Variants in LRP5 observed in about 807,000 individuals in gnomAD.
The protein encoded by LRP5 is LDL receptor related protein 5.
Under a neutral mutation model 154.1 loss-of-function variants are expected in LRP5, and 62 were observed. That is an observed-to-expected ratio of 0.40 (90% CI 0.33 to 0.50). The LOEUF (loss-of-function observed/expected upper bound fraction) is 0.50. Among genes scored for constraint, LRP5 ranks in the 20% least tolerant of loss-of-function variants. The pLI, the probability that LRP5 is intolerant of heterozygous loss-of-function variation, is 0.55. For missense variants in LRP5, 1,915 were observed against 2,336.7 expected (o/e 0.82, Z 3.72); for synonymous variants, 966 against 1,011.5 (o/e 0.96, Z 0.85).
In LRP5 at chr11:68,381,351, C is replaced by T. The variant is rs534132782; in HGVS notation, c.1016-4965C>T. ...TCACGGGAGCCCTCTGCAGGTTCTG[C>T]GTGTCCATGTGGTCGGGGACAGAGG... On this transcript the variant is annotated intron_variant, in intron 5 of 22. Transcript: ENST00000294304. Among the ~76,000 whole-genome samples, 5 of 152,238 alleles carry T rather than the reference C, an allele frequency of 3.3e-5. No individual in the cohort carries two copies. In the South Asian group the frequency reaches 8.3e-4, roughly 25 times the overall value.
At chr11:68,421,206 A>G (rs1425886093) in intron 13 of LRP5, among the ~76,000 whole-genome samples, 4 of 152,188 alleles carry the variant, frequency 2.6e-5, no homozygotes, top group African/African-American at 4.8e-5. Flanking sequence ...GAGCCTGGGC[A>G]ACAGAGCAAG....
intron 7 of LRP5, among the ~76,000 whole-genome samples, chr11:68,400,317 G>A (rs967712904): frequency 1.1e-4 from 17 of 152,304 alleles, no homozygotes; most frequent in African/African-American, 3.8e-4. Flanking sequence ...TGAAGCCAGG[G>A]AAATGGACTT....
At chr11:68,305,640 A>C in the LRP5 span, among the ~76,000 whole-genome samples, 1 of 152,108 alleles carries the variant, frequency 6.6e-6, no homozygotes, top group Admixed American at 6.5e-5. Flanking sequence ...ATGGGGTTTC[A>C]CCATGTTGTC....
intron 5 of LRP5, among the ~76,000 whole-genome samples, chr11:68,383,764 G>A (rs185896957): frequency 1.3e-5 from 2 of 152,332 alleles, no homozygotes; most frequent in Non-Finnish European, 1.5e-5. Flanking sequence ...GCCATCCACT[G>A]GGGTGTGGGG....
chr11:68,346,303 C>G (rs547292531), intron 1 of LRP5, among the ~76,000 whole-genome samples: 2 of 152,348 alleles, frequency 1.3e-5, no homozygotes, highest in Non-Finnish European at 1.5e-5. Context: ...GGAGGCGCCG[C>G]TGTCATTTTC....
chr11:68,335,483 G>A (rs2098605185), intron 1 of LRP5, among the ~76,000 whole-genome samples: 1 of 152,010 alleles, frequency 6.6e-6, no homozygotes, highest in South Asian at 2.1e-4. Context: ...GATCACTTGA[G>A]CCCAGGAGGT....
chr11:68,359,774 T>G (rs2098626122), intron 3 of LRP5, among the ~76,000 whole-genome samples: 1 of 151,554 alleles, frequency 6.6e-6, no homozygotes, highest in South Asian at 2.1e-4. Context: ...TGACCTCTTT[T>G]TTTGTTTGTT....
At chr11:68,337,030 T>C (rs2098606085) in intron 1 of LRP5, among the ~76,000 whole-genome samples, 1 of 152,176 alleles carries the variant, frequency 6.6e-6, no homozygotes, top group Non-Finnish European at 1.5e-5. Context: ...GTAAAAACTG[T>C]AAATAAAATG....
At chr11:68,427,112 T>C (rs2098669209) in intron 16 of LRP5, among the ~76,000 whole-genome samples, 1 of 152,214 alleles carries the variant, frequency 6.6e-6, no homozygotes, top group Non-Finnish European at 1.5e-5. Flanking sequence ...TCCCCTTTGA[T>C]AGACTCCAAG....
intron 1 of LRP5, among the ~76,000 whole-genome samples, chr11:68,341,056 G>GTTTTTTTTTTTTTTTTTT (rs1466472469): frequency 1.9e-5 from 1 of 51,456 alleles, no homozygotes; most frequent in Non-Finnish European, 4.0e-5. Flanking sequence ...GCTGGAGATT[G>GTTTTTTTTTTTTTTTTTT]TTCTTTTTTT....
intron 7 of LRP5, among the ~76,000 whole-genome samples, chr11:68,400,524 C>T (rs1026162943): frequency 8.6e-5 from 13 of 151,840 alleles, no homozygotes; most frequent in East Asian, 3.9e-4. Context: ...AGTTTGTGAC[C>T]GGCCTGACCA....
At chr11:68,443,581 A>ATT (rs1393479461) in intron 21 of LRP5, among the ~76,000 whole-genome samples, 12 of 36,806 alleles carry the variant, frequency 3.3e-4, no homozygotes, top group East Asian at 8.3e-4. Context: ...ATATATATAT[A>ATT]TATATTTTTT....
chr11:68,317,171 G>A (rs549308235), intron 1 of LRP5, among the ~76,000 whole-genome samples: 1 of 152,346 alleles, frequency 6.6e-6, no homozygotes, highest in African/African-American at 2.4e-5. Context: ...GGCTGGCTCC[G>A]GCTGCTCTCT....
Position 68,396,108 on chromosome 11 carries a change from G to C in LRP5, c.1584+6056G>C, listed in dbSNP as rs534940284. Among the ~76,000 whole-genome samples, 27 of 152,202 alleles carry C rather than the reference G, an allele frequency of 1.8e-4. No homozygotes were observed. The East Asian group carries it at 5.2e-3, about 29-fold the overall frequency. On this transcript the variant is annotated intron_variant, in intron 7 of 22. Transcript: ENST00000294304. ...GACAGTGGCTGCTGCTGGGGTTGTG[G>C]TGGCTTCTGGGGACTCTGGGGACAG...
intron 1 of LRP5, among the ~76,000 whole-genome samples, chr11:68,337,720 C>A (rs892236316): frequency 6.6e-6 from 1 of 151,692 alleles, no homozygotes; most frequent in African/African-American, 2.4e-5. Context: ...TCAGGTCTAC[C>A]TCCTCCAAGA....
chr11:68,300,171 C>T, the LRP5 span, among the ~76,000 whole-genome samples: 8 of 149,144 alleles, frequency 5.4e-5, no homozygotes, highest in South Asian at 4.2e-4. Context: ...AAAGTACAGG[C>T]ATGAGCCACC....
At chr11:68,443,585 A>ATTTTTT (rs1219762322) in intron 21 of LRP5, among the ~76,000 whole-genome samples, 14 of 24,846 alleles carry the variant, frequency 5.6e-4, no homozygotes, top group East Asian at 1.5e-3. Flanking sequence ...ATATATATAT[A>ATTTTTT]TTTTTTTTTT....
Position 68,403,714 on chromosome 11 carries a change from T to A in LRP5, c.1801+15T>A, listed in dbSNP as rs773086561. The A allele has an allele frequency of 1.2e-6, 2 of 1,611,130 alleles. No homozygotes were observed. Among genetic ancestry groups the A allele is most frequent in the Non-Finnish European group, 1.7e-6 (2 of 1,179,568 alleles). On this transcript the variant is annotated intron_variant, in intron 8 of 22. Transcript: ENST00000294304. ...CAAGGTCGTCGGTGAGTCCGGGGGG[T>A]CCCAAGCCATGGCTCAGCCATGCAG...
At chr11:68,350,224 A>G (rs1226112195) in intron 2 of LRP5, among the ~76,000 whole-genome samples, 2 of 152,246 alleles carry the variant, frequency 1.3e-5, no homozygotes, top group African/African-American at 4.8e-5. Context: ...TTTAGTAGAC[A>G]CAGGGTTTCG....
Sources: allele counts gnomAD v4.1 joint callset (sites outside exome capture counted in the v4.1 genomes callset), GRCh38; gene constraint gnomAD v4.1.1; transcripts MANE v1.5; gene names NCBI Gene and HGNC (gene_info 2026-07-23, HGNC 2026-07-21).